The following FOXP1 variants were observed in gnomAD, a reference collection of about 807,000 sequenced individuals.
The protein encoded by FOXP1 is forkhead box P1, also known as forkhead box protein P1.
In FOXP1, 15 loss-of-function variants were observed where a neutral mutation model predicts 98.2. That is an observed-to-expected ratio of 0.15 (90% confidence interval 0.10 to 0.24). The LOEUF is 0.24. Among genes scored for constraint, FOXP1 ranks in the 10% least tolerant of loss-of-function variants. The pLI, the probability that FOXP1 is intolerant of heterozygous loss-of-function variation, is 1.00. For missense variants in FOXP1, 633 were observed against 848.5 expected (o/e 0.75, Z 3.15); for synonymous variants, 371 against 314.5 (o/e 1.18, Z -1.90).
At chr3:71,579,146 T>C (rs1249146432) in intron 2 of FOXP1, among the ~76,000 whole-genome samples, 2 of 152,218 alleles carry the variant, frequency 1.3e-5, no homozygotes, top group East Asian at 3.8e-4. Context: ...ATTATTTTTA[T>C]TCTTCTGTAT....
intron 11 of FOXP1, among the ~76,000 whole-genome samples, chr3:71,035,693 G>A (rs1039246525): frequency 6.6e-6 from 1 of 152,058 alleles, no homozygotes; most frequent in Admixed American, 6.5e-5. Flanking sequence ...ATGCTCTAAC[G>A]GGGAAGAAAG....
intron 3 of FOXP1, among the ~76,000 whole-genome samples, chr3:71,446,081 GTGAA>G (rs1452591464): frequency 3.1e-4 from 40 of 129,402 alleles, no homozygotes; most frequent in African/African-American, 1.0e-3. Flanking sequence ...GAGTGAGTGA[GTGAA>G]TGAATTCAGG....
intron 2 of FOXP1, 181 bp downstream of exon 2, chr3:71,581,368 G>A (rs2048153087): frequency 4.1e-6 from 4 of 985,298 alleles, no homozygotes; most frequent in South Asian, 4.7e-5. Flanking sequence ...AAGGGTGGAG[G>A]GGAGGAAGTC....
chr3:71,531,946 T>C (rs1016811443), intron 2 of FOXP1, among the ~76,000 whole-genome samples: 4 of 152,226 alleles, frequency 2.6e-5, no homozygotes, highest in African/African-American at 9.7e-5. Flanking sequence ...AAAAACCGAA[T>C]GTCATTTATG....
intron 1 of FOXP1, 179 bp downstream of exon 1, chr3:71,583,392 A>G (rs763103373): frequency 6.3e-5 from 55 of 869,514 alleles, no homozygotes; most frequent in Non-Finnish European, 7.4e-5. Context: ...GGGCTGGGGG[A>G]GATGCACGTG....
At chr3:71,355,271 A>C (rs528532691) in intron 4 of FOXP1, among the ~76,000 whole-genome samples, 1 of 152,320 alleles carries the variant, frequency 6.6e-6, no homozygotes, top group South Asian at 2.1e-4. Flanking sequence ...TACCTACCAT[A>C]TGTTAGGCAC....
In FOXP1 at chr3:71,320,965, T is replaced by G. The variant is rs1289099736; in HGVS notation, c.-72-21085A>C. 2.0e-5 allele frequency among the ~76,000 whole-genome samples: 3 copies of G among 152,038 alleles called. No homozygotes were observed. In the East Asian group the frequency reaches 5.8e-4, roughly 29 times the overall value. On this transcript the variant is annotated intron_variant, in intron 4 of 20. Transcript: ENST00000649528. ...ACTCTTCCGTTCCCTTGAAGTAAAA[T>G]CATCTTATTGTTTATGATACAGTGC...
rs144080611 is a variant in FOXP1 at position 71,068,724 on chromosome 3, A to C, written c.283-14951T>G. On this transcript the variant is annotated intron_variant, in intron 7 of 20. Coordinates refer to ENST00000649528, the MANE Select transcript of FOXP1 (RefSeq NM_001349338.3). ...CATATTCTGAAATGACAGAACTTAA[A>C]GAGATTCAACCAACTGATTCCAATT... Among the ~76,000 whole-genome samples, 3 of 152,350 alleles carry C rather than the reference A, an allele frequency of 2.0e-5. No homozygotes were observed. The East Asian group carries it at 5.8e-4, about 29-fold the overall frequency.
At chr3:71,082,173 G>A (rs2054499521) in intron 7 of FOXP1, among the ~76,000 whole-genome samples, 1 of 152,038 alleles carries the variant, frequency 6.6e-6, no homozygotes, top group African/African-American at 2.4e-5. Flanking sequence ...CAGCTACTCA[G>A]GAGGCTGAGG....
intron 5 of FOXP1, chr3:71,296,043 A>G (rs1250064840): frequency 6.6e-6 from 1 of 152,204 alleles, no homozygotes; most frequent in Non-Finnish European, 1.5e-5. Context: ...AAATTGTTAT[A>G]TCACTCCCGA....
At chr3:71,583,470 T>C in intron 1 of FOXP1, 101 bp downstream of exon 1, 1 of 982,826 alleles carries the variant, frequency 1.0e-6, no homozygotes, top group Non-Finnish European at 1.2e-6. Context: ...TCTTTCTTTT[T>C]TTTTTTTTGT....
rs539236432 is a variant in FOXP1 at position 71,280,306 on chromosome 3, G to A, written c.-12+19514C>T. Among the ~76,000 whole-genome samples the A allele has an allele frequency of 1.2e-4, 18 of 144,086 alleles. No homozygotes were observed. In the East Asian group the frequency reaches 3.4e-3, roughly 27 times the overall value. The allele number at this position is 144,086 out of a possible 152,430, so 94.5% of individuals were successfully genotyped here. A position where few individuals can be genotyped will look rare whatever the true frequency, so the allele number is the denominator to read the frequency against. On this transcript the variant is annotated intron_variant, in intron 5 of 20. Transcript: ENST00000649528. ...CTATAATCAACACCCAAAATTATCC[G>A]GTATTTTACAATATCTTTTTTTTTT...
intron 6 of FOXP1, among the ~76,000 whole-genome samples, chr3:71,115,737 C>CT (rs5849989): frequency 0.27 from 30,865 of 115,926 alleles, 4,558 homozygotes; most frequent in East Asian, 0.6. Flanking sequence ...CAAAACTATT[C>CT]TTTTTTTTTT....
chr3:71,082,657 A>C (rs547328347), intron 7 of FOXP1, among the ~76,000 whole-genome samples: 56 of 152,226 alleles, frequency 3.7e-4, no homozygotes, highest in African/African-American at 4.8e-4. Context: ...ACAACAACAA[A>C]AAAAAAACAG....
chr3:71,121,378 A>T (rs1238269125), intron 6 of FOXP1, among the ~76,000 whole-genome samples: 1 of 147,196 alleles, frequency 6.8e-6, no homozygotes, highest in South Asian at 2.4e-4. Context: ...AGAAAAAAAA[A>T]AGGGGGGGGG....
rs1257400819 is a variant in FOXP1, at chr3:70,958,761, A to G, written c.*486T>C. The G allele has an allele frequency of 4.5e-6, 1 of 224,322 alleles. No individual in the cohort carries two copies. Among genetic ancestry groups the G allele is most frequent in the Non-Finnish European group, 8.8e-6 (1 of 113,568 alleles). The allele number at this position is 224,322 out of a possible 1,614,324, so 13.9% of individuals were successfully genotyped here. A position where few individuals can be genotyped will look rare whatever the true frequency, so the allele number is the denominator to read the frequency against. ...GCAAAAAAAAAAAAAAAAAAAAAAA[A>G]AAAAAAGGAGTAAAGGCAGTGATAA... On this transcript the variant is annotated 3_prime_UTR_variant, in exon 21 of 21. Coordinates refer to ENST00000649528, the MANE Select transcript of FOXP1 (RefSeq NM_001349338.3).
At chr3:71,413,379 T>C (rs948258717) in intron 3 of FOXP1, among the ~76,000 whole-genome samples, 1 of 150,888 alleles carries the variant, frequency 6.6e-6, no homozygotes, top group African/African-American at 2.4e-5. Flanking sequence ...CAAAGAATGA[T>C]ACATACCTAC....
intron 6 of FOXP1, among the ~76,000 whole-genome samples, chr3:71,184,079 G>A (rs1466699157): frequency 4.6e-5 from 7 of 152,164 alleles, no homozygotes. Flanking sequence ...TTGAACCTGG[G>A]AGGCGGAGGT....
At chr3:71,109,863 G>A (rs1325215052) in intron 7 of FOXP1, among the ~76,000 whole-genome samples, 6 of 151,976 alleles carry the variant, frequency 3.9e-5, no homozygotes, top group Admixed American at 3.3e-4. Context: ...ACACACACCA[G>A]TCCACCAACC....
Sources: gnomAD v4.1 joint callset for allele counts (sites outside exome capture counted in the v4.1 genomes callset) on GRCh38, gnomAD v4.1.1 for gene constraint, MANE v1.5 for transcripts, NCBI Gene and HGNC (gene_info 2026-07-23, HGNC 2026-07-21) for gene names.